Variants in TRPM7 observed in about 807,000 individuals in gnomAD.
TRPM7 encodes the protein transient receptor potential cation channel subfamily M member 7.
Under a neutral mutation model 229.7 loss-of-function variants are expected in TRPM7, and 134 were observed. The observed-to-expected ratio is 0.58, with a 90% confidence interval of 0.51 to 0.67. TRPM7 has a LOEUF of 0.67. TRPM7 is among the 30% of genes least tolerant of loss of function. TRPM7 has a pLI of 0.00. For missense variants in TRPM7, 1,901 were observed against 2,210.0 expected (o/e 0.86, Z 2.80); for synonymous variants, 699 against 715.2 (o/e 0.98, Z 0.36).
chr15:50,679,511 A>ATAT (rs2062184777), intron 1 of TRPM7, among the ~76,000 whole-genome samples: 2 of 75,440 alleles, frequency 2.7e-5, no homozygotes, highest in South Asian at 7.9e-4. Context: ...GTATATATAT[A>ATAT]ATATATATAT....
chr15:50,625,578 GC>G (rs2060533179), intron 11 of TRPM7, among the ~76,000 whole-genome samples: 1 of 151,822 alleles, frequency 6.6e-6, no homozygotes, highest in Admixed American at 6.6e-5. Flanking sequence ...CCCTGTACCT[GC>G]CTTTTTTCTT....
At chr15:50,585,000 C>T (rs892502476) in intron 28 of TRPM7, among the ~76,000 whole-genome samples, 3 of 151,360 alleles carry the variant, frequency 2.0e-5, no homozygotes, top group East Asian at 1.9e-4. Flanking sequence ...CTCAGCCTCC[C>T]GAGTAGCTGG....
At chr15:50,679,510 TA>T (rs34565738) in intron 1 of TRPM7, among the ~76,000 whole-genome samples, 43,121 of 108,658 alleles carry the variant, frequency 0.4, 9,163 homozygotes, top group Admixed American at 0.52. Flanking sequence ...TGTATATATA[TA>T]ATATATATAT....
chr15:50,671,292 A>T (rs1277073326), intron 1 of TRPM7, among the ~76,000 whole-genome samples: 1 of 152,134 alleles, frequency 6.6e-6, no homozygotes, highest in African/African-American at 2.4e-5. Context: ...TTCTACACAG[A>T]AGTGAGACCA....
In TRPM7 at chr15:50,561,402, A is replaced by G; in HGVS notation, c.*276T>C. 1 of 302,238 alleles carries G rather than the reference A, an allele frequency of 3.3e-6. No homozygotes were observed. The highest frequency in any genetic ancestry group is 6.1e-6 in the Non-Finnish European group (1 of 165,164). The allele number at this position is 302,238 out of a possible 1,614,324, so 18.7% of individuals were successfully genotyped here. ...ATCACCCTCATCAAAACAAAGTCAA[A>G]TGAGATCCTCTGCTATACAAAGAGC... On this transcript the variant is annotated 3_prime_UTR_variant, in exon 39 of 39. Coordinates refer to ENST00000646667, the MANE Select transcript of TRPM7 (RefSeq NM_017672.6).
chr15:50,596,837 G>A (rs1397803653), intron 22 of TRPM7, among the ~76,000 whole-genome samples: 3 of 152,068 alleles, frequency 2.0e-5, no homozygotes, highest in Admixed American at 6.6e-5. Context: ...TGCAACCTCC[G>A]GCTCCTGGGT....
At chr15:50,621,174 A>AAAC (rs2060393769) in intron 12 of TRPM7, among the ~76,000 whole-genome samples, 1 of 151,498 alleles carries the variant, frequency 6.6e-6, no homozygotes, top group Non-Finnish European at 1.5e-5. Flanking sequence ...AAAAAAAAAA[A>AAAC]AAAAAAAACC....
intron 1 of TRPM7, among the ~76,000 whole-genome samples, chr15:50,666,674 T>C (rs950908427): frequency 2.6e-5 from 4 of 151,958 alleles, no homozygotes; most frequent in African/African-American, 7.2e-5. Context: ...TGGTGGTGCA[T>C]GCCTATAATC....
At chr15:50,684,633 C>T (rs1390312581) in intron 1 of TRPM7, among the ~76,000 whole-genome samples, 1 of 150,648 alleles carries the variant, frequency 6.6e-6, no homozygotes, top group African/African-American at 2.4e-5. Flanking sequence ...GAGCGAGACT[C>T]GGTCTCAAAC....
intron 31 of TRPM7, 198 bp downstream of exon 31, chr15:50,578,441 T>A: frequency 2.5e-6 from 1 of 402,650 alleles, no homozygotes; most frequent in Non-Finnish European, 4.4e-6. Context: ...AGTAAAGATA[T>A]CATCATTCAC....
chr15:50,681,261 A>AC lies in TRPM7; in HGVS notation c.3+5269_3+5270insG, dbSNP rs2062234643. Among the ~76,000 whole-genome samples, 8 of 110,788 alleles carry AC rather than the reference A, an allele frequency of 7.2e-5. No homozygotes were observed. In the South Asian group the frequency reaches 1.0e-3, roughly 15 times the overall value. The allele number at this position is 110,788 out of a possible 152,430, so 72.7% of individuals were successfully genotyped here. A position where few individuals can be genotyped will look rare whatever the true frequency, so the allele number is the denominator to read the frequency against. On this transcript the variant is annotated intron_variant, in intron 1 of 38. Coordinates refer to ENST00000646667, the MANE Select transcript of TRPM7 (RefSeq NM_017672.6). Reference sequence around the variant, plus strand: ...GCAAGACTTCGTCTCAAAAATAAATAAATACACACACACACACACACACAC... The same window carrying AC: ...GCAAGACTTCGTCTCAAAAATAAATACAATACACACACACACACACACACAC...
chr15:50,641,009 C>T (rs8041463), intron 5 of TRPM7, among the ~76,000 whole-genome samples: 27,678 of 152,126 alleles, frequency 0.18, 3,255 homozygotes, highest in East Asian at 0.46. Context: ...ACAGCAGCCC[C>T]GGCAAACTAA....
Position 50,574,323 on chromosome 15 carries a change from G to C in TRPM7, c.5259C>G (p.His1753Gln). 1 of 1,613,984 alleles carries C rather than the reference G, an allele frequency of 6.2e-7. No individual in the cohort carries two copies. The highest frequency in any genetic ancestry group is 8.5e-7 in the Non-Finnish European group (1 of 1,179,954). Residue 1753 changes from histidine (H) to glutamine (Q), a missense_variant, in exon 36 of 39, where the codon CAC becomes CAG. Transcript: ENST00000646667. The stretch of plus-strand genomic sequence containing the variant: ...CCCCTCTTGTATATTCGTAAGTCCA[G>C]TGGCTAAAGGCTAGCATGATCTCTT... The part of the protein sequence containing the change: ...TLEEIMLAFS[H>Q]WTYEYTRGEL...
At chr15:50,653,154 C>CA (rs888059697) in intron 3 of TRPM7, among the ~76,000 whole-genome samples, 4 of 152,004 alleles carry the variant, frequency 2.6e-5, no homozygotes, top group African/African-American at 9.7e-5. Flanking sequence ...CCCACTCCCC[C>CA]CAAAAAGAAA....
intron 1 of TRPM7, among the ~76,000 whole-genome samples, chr15:50,673,056 G>C (rs558035204): frequency 1.3e-5 from 2 of 151,818 alleles, no homozygotes; most frequent in African/African-American, 4.8e-5. Flanking sequence ...GTTACAGTAA[G>C]CTAGCGTTAA....
At chr15:50,663,423 G>T (rs954118921) in intron 1 of TRPM7, among the ~76,000 whole-genome samples, 4 of 152,152 alleles carry the variant, frequency 2.6e-5, no homozygotes, top group African/African-American at 9.7e-5. Flanking sequence ...ACCGTGCCCG[G>T]CCCATAAACA....
Position 50,575,785 on chromosome 15 carries a change from C to T in TRPM7, c.4674G>A (p.Val1558=), listed in dbSNP as rs1322673641. The T allele has an allele frequency of 6.2e-7, 1 of 1,613,272 alleles. No homozygotes were observed. The highest frequency in any genetic ancestry group is 2.2e-5 in the East Asian group (1 of 44,758). The change falls in exon 33 of 39, where the codon GTG becomes GTA. Residue 1558 remains valine (V), a synonymous_variant. Coordinates refer to ENST00000646667, the MANE Select transcript of TRPM7 (RefSeq NM_017672.6). The part of the protein sequence containing the change: ...AMDTNYYYSA[V]ERNNLMRLSQ... The stretch of plus-strand genomic sequence containing the variant: ...ATAACCTCATCAAGTTATTTCTTTC[C>T]ACAGCTGCATAAAAATGAGAGAGAA...
At chr15:50,654,476 A>C (rs1382912212) in intron 3 of TRPM7, among the ~76,000 whole-genome samples, 1 of 151,256 alleles carries the variant, frequency 6.6e-6, no homozygotes, top group African/African-American at 2.4e-5. Flanking sequence ...AGACATATAA[A>C]AAAGATGAAG....
chr15:50,588,221 A>C, intron 27 of TRPM7: 1 of 984,970 alleles, frequency 1.0e-6, no homozygotes, highest in Non-Finnish European at 1.2e-6. Flanking sequence ...TATACTCCAT[A>C]ATCACATTTC....
Sources: gnomAD v4.1 joint callset for allele counts (sites outside exome capture counted in the v4.1 genomes callset) on GRCh38, gnomAD v4.1.1 for gene constraint, MANE v1.5 for transcripts, NCBI Gene and HGNC (gene_info 2026-07-23, HGNC 2026-07-21) for gene names.